Variants in SDK1 observed in about 807,000 individuals in gnomAD.
The protein encoded by SDK1 is protein sidekick-1.
Under a neutral mutation model 245.5 loss-of-function variants are expected in SDK1, and 157 were observed. That is an observed-to-expected ratio of 0.64 (90% CI 0.56 to 0.73). SDK1 has a LOEUF of 0.73. Ranked by LOEUF, SDK1 falls within the 30% of genes least tolerant of loss-of-function variation. SDK1 has a pLI of 0.00. For synonymous variants in SDK1, 1,647 were observed against 1,278.5 expected (o/e 1.29, Z -6.15); for missense variants, 3,583 against 3,002.3 (o/e 1.19, Z -4.52).
At chr7:4,240,213 G>C (rs1219324670) in intron 42 of SDK1, among the ~76,000 whole-genome samples, 1 of 152,098 alleles carries the variant, frequency 6.6e-6, no homozygotes, top group Non-Finnish European at 1.5e-5. Flanking sequence ...CTGGAAAACA[G>C]ACTTGAAAAG....
At chr7:3,981,831 A>T (rs1021050639) in intron 13 of SDK1, among the ~76,000 whole-genome samples, 2 of 152,258 alleles carry the variant, frequency 1.3e-5, no homozygotes, top group Admixed American at 1.3e-4. Context: ...TGCCGTCCCC[A>T]TAACATAAAA....
intron 1 of SDK1, among the ~76,000 whole-genome samples, chr7:3,522,996 A>G (rs68143552): frequency 0.41 from 40,626 of 99,240 alleles, 5,624 homozygotes; most frequent in South Asian, 0.54. Context: ...CCTCTTCAAG[A>G]CAAAGTTGTA....
chr7:3,687,182 T>A (rs1465179727), intron 4 of SDK1, among the ~76,000 whole-genome samples: 1 of 151,238 alleles, frequency 6.6e-6, no homozygotes, highest in African/African-American at 2.4e-5. Context: ...ATGTTCTTTT[T>A]TTTTTTTTGA....
chr7:4,191,932 G>C (rs1562412054), intron 35 of SDK1, among the ~76,000 whole-genome samples: 1 of 152,220 alleles, frequency 6.6e-6, no homozygotes, highest in Non-Finnish European at 1.5e-5. Flanking sequence ...CAGCAGATTT[G>C]AAAGGGCTTT....
chr7:3,610,418 T>C (rs1348643593), intron 1 of SDK1, among the ~76,000 whole-genome samples: 2 of 152,236 alleles, frequency 1.3e-5, no homozygotes, highest in African/African-American at 4.8e-5. Context: ...TACTCTTATT[T>C]TGGTTGGTCA....
intron 5 of SDK1, among the ~76,000 whole-genome samples, chr7:3,878,714 C>G (rs552614255): frequency 2.6e-5 from 4 of 152,060 alleles, no homozygotes; most frequent in Non-Finnish European, 4.4e-5. Context: ...GAAGAGTCTC[C>G]TCTGTTTCTG....
At chr7:3,498,295 T>C (rs1291690650) in intron 1 of SDK1, among the ~76,000 whole-genome samples, 5 of 152,184 alleles carry the variant, frequency 3.3e-5, no homozygotes, top group African/African-American at 1.2e-4. Flanking sequence ...TGCTAGAGTT[T>C]AAAACTTAGG....
chr7:3,557,963 T>C (rs1779639041), intron 1 of SDK1, among the ~76,000 whole-genome samples: 2 of 152,158 alleles, frequency 1.3e-5, no homozygotes, highest in Admixed American at 1.3e-4. Flanking sequence ...TAACAGCAAT[T>C]ATCAGTATTA....
Position 4,106,611 on chromosome 7 carries a change from C to T in SDK1, c.3325-4052C>T, listed in dbSNP as rs140576398. ...GCGCCCGGCCAGCCCCCGTTTGTGA[C>T]CGTGCAGTGGTTTCCCAGCATCTCT... On this transcript the variant is annotated intron_variant, in intron 22 of 44. Transcript: ENST00000404826. Among the ~76,000 whole-genome samples the T allele has an allele frequency of 3.3e-4, 51 of 152,276 alleles. 1 individual carries two copies. In the East Asian group the frequency reaches 9.5e-3, roughly 28 times the overall value.
chr7:3,400,974 T>C (rs552318022), intron 1 of SDK1, among the ~76,000 whole-genome samples: 1 of 152,160 alleles, frequency 6.6e-6, no homozygotes, highest in East Asian at 1.9e-4. Flanking sequence ...ACAGTGATGA[T>C]GAGAAGGGAA....
At chr7:4,182,250 C>G (rs1034009240) in intron 35 of SDK1, among the ~76,000 whole-genome samples, 8 of 152,174 alleles carry the variant, frequency 5.3e-5, no homozygotes, top group African/African-American at 1.9e-4. Flanking sequence ...CTGTCCCCCT[C>G]CCTCTAGGCG....
In SDK1 at chr7:4,149,733, C is replaced by T. The variant is rs556183375; in HGVS notation, c.4625+270C>T. On this transcript the variant is annotated intron_variant, in intron 30 of 44. Transcript: ENST00000404826. ...GGTCACCCCAGGACCCAGGGATTGG[C>T]GAGGCAGGGGTGATGGGGGGCAGGC... Among the ~76,000 whole-genome samples, 6 of 152,120 alleles carry T rather than the reference C, an allele frequency of 3.9e-5. No individual in the cohort carries two copies. In the South Asian group the frequency reaches 6.2e-4, roughly 16 times the overall value.
intron 17 of SDK1, among the ~76,000 whole-genome samples, chr7:4,036,060 G>T (rs7791174): frequency 0.32 from 47,946 of 151,936 alleles, 11,774 homozygotes; most frequent in African/African-American, 0.69. Context: ...TTTCTACACC[G>T]GATTTTATTC....
At chr7:3,579,495 T>C (rs778438672) in intron 1 of SDK1, among the ~76,000 whole-genome samples, 6 of 152,158 alleles carry the variant, frequency 3.9e-5, no homozygotes, top group African/African-American at 1.2e-4. Flanking sequence ...TTAAAAACTC[T>C]CAATAAACTA....
intron 4 of SDK1, among the ~76,000 whole-genome samples, chr7:3,785,496 A>G (rs527338373): frequency 6.6e-6 from 1 of 152,340 alleles, no homozygotes; most frequent in South Asian, 2.1e-4. Context: ...ATTAAAAAGT[A>G]TTTTCAAAGA....
At chr7:3,689,052 A>C (rs779081917) in intron 4 of SDK1, among the ~76,000 whole-genome samples, 7 of 152,252 alleles carry the variant, frequency 4.6e-5, no homozygotes, top group African/African-American at 1.7e-4. Flanking sequence ...ACAGCCACCC[A>C]TTCATTTATG....
At position 4,114,091 on chromosome 7, in the gene SDK1, A is replaced by G; in HGVS notation, c.3640A>G (p.Lys1214Glu). 1 of 1,614,234 alleles carries G rather than the reference A, an allele frequency of 6.2e-7. No individual in the cohort carries two copies. Among genetic ancestry groups the G allele is most frequent in the Non-Finnish European group, 8.5e-7 (1 of 1,180,042 alleles). ...CCCCGAGTCCGTGGGCTACAGGATT[A>G]AGTACTGGCGCTCAGACCTCCAGTC... Reference protein sequence around the residue: ...GNPESVGYRIKYWRSDLQSSA... With the variant: ...GNPESVGYRIEYWRSDLQSSA... The change falls in exon 25 of 45, where the codon AAG becomes GAG. Residue 1214 changes from lysine (K) to glutamate (E), a missense_variant. Lys to Glu is a moderately conservative substitution (Grantham distance 56, BLOSUM62 1). Transcript: ENST00000404826.
At chr7:4,223,419 C>G (rs986774572) in intron 40 of SDK1, among the ~76,000 whole-genome samples, 1 of 152,234 alleles carries the variant, frequency 6.6e-6, no homozygotes, top group Non-Finnish European at 1.5e-5. Flanking sequence ...AGCCCACAGT[C>G]AAGGTGGCAG....
At chr7:3,410,653 C>G (rs1410098503) in intron 1 of SDK1, among the ~76,000 whole-genome samples, 1 of 135,774 alleles carries the variant, frequency 7.4e-6, no homozygotes, top group African/African-American at 2.8e-5. Flanking sequence ...GTGGCACGAT[C>G]TCAGCTTACT....
Sources: allele counts gnomAD v4.1 joint callset (sites outside exome capture counted in the v4.1 genomes callset), GRCh38; gene constraint gnomAD v4.1.1; transcripts MANE v1.5; gene names NCBI Gene and HGNC (gene_info 2026-07-23, HGNC 2026-07-21).